The following SPMIP6 variants were observed in gnomAD, a reference collection of about 807,000 sequenced individuals.
SPMIP6 encodes the protein ciliated bronchial epithelial protein 1.
chr9:34,395,610 A>G, the SPMIP6 span, among the ~76,000 whole-genome samples: 1 of 152,178 alleles, frequency 6.6e-6, no homozygotes, highest in African/African-American at 2.4e-5. Flanking sequence ...GATGACTTCA[A>G]GATCTCTATC....
At chr9:34,382,599 T>G in the SPMIP6 span, 1 of 527,290 alleles carries the variant, frequency 1.9e-6, no homozygotes, top group Non-Finnish European at 3.4e-6. Context: ...AAAAAAAAAA[T>G]ACAAACTCTA....
the SPMIP6 span, chr9:34,380,925 G>A: frequency 1.3e-6 from 2 of 1,596,302 alleles, no homozygotes; most frequent in Non-Finnish European, 8.5e-7. Flanking sequence ...CGGCACCAAG[G>A]CCGCAGGCGG....
At chr9:34,397,229 A>G in the SPMIP6 span, among the ~76,000 whole-genome samples, 1 of 151,180 alleles carries the variant, frequency 6.6e-6, no homozygotes, top group Non-Finnish European at 1.5e-5. Flanking sequence ...CACTTCCACT[A>G]CTCTGTTTAT....
chr9:34,395,873 T>C, the SPMIP6 span, among the ~76,000 whole-genome samples: 2 of 152,216 alleles, frequency 1.3e-5, no homozygotes, highest in Non-Finnish European at 2.9e-5. Context: ...AAAATTCCCT[T>C]CTATTGAGTA....
the SPMIP6 span, chr9:34,385,824 C>G: frequency 1.9e-6 from 3 of 1,589,446 alleles, no homozygotes; most frequent in South Asian, 3.4e-5. Flanking sequence ...GGCACAGAGA[C>G]CCCAGCCCTG....
the SPMIP6 span, chr9:34,397,444 C>T: frequency 1.3e-6 from 2 of 1,566,662 alleles, no homozygotes; most frequent in Non-Finnish European, 1.8e-6. Context: ...CATTGCCAGG[C>T]ATCCAGACTG....
chr9:34,382,481 A>T, the SPMIP6 span, among the ~76,000 whole-genome samples: 1 of 151,966 alleles, frequency 6.6e-6, no homozygotes, highest in Admixed American at 6.6e-5. Context: ...GCTGCTCGGG[A>T]GTGTGAGGTA....
chr9:34,392,048 G>T, the SPMIP6 span, among the ~76,000 whole-genome samples: 8 of 151,894 alleles, frequency 5.3e-5, no homozygotes, highest in Non-Finnish European at 1.0e-4. The surrounding 1 kb of genome is among the most constrained non-coding windows in gnomAD (Gnocchi z 4.6). Context: ...TTGCTTTGTT[G>T]CTCAGGCTGG....
At chr9:34,386,802 A>C in the SPMIP6 span, among the ~76,000 whole-genome samples, 4 of 152,130 alleles carry the variant, frequency 2.6e-5, no homozygotes, top group Admixed American at 6.5e-5. Flanking sequence ...TTGTCTGACT[A>C]GATCTGTGAC....
chr9:34,380,962 G>T, the SPMIP6 span: 1 of 1,606,358 alleles, frequency 6.2e-7, no homozygotes. Context: ...CCCCGCTGGC[G>T]TAGTAGTCCA....
chr9:34,381,056 C>T, the SPMIP6 span: 15 of 1,611,794 alleles, frequency 9.3e-6, no homozygotes, highest in African/African-American at 1.9e-4. This position sits in a 1 kb window ranked among gnomAD's most constrained non-coding sequence, Gnocchi z 4.4. Context: ...GTCCACGCAC[C>T]CGCATCGGGG....
At chr9:34,382,482 G>T in the SPMIP6 span, among the ~76,000 whole-genome samples, 1 of 152,138 alleles carries the variant, frequency 6.6e-6, no homozygotes, top group Non-Finnish European at 1.5e-5. Context: ...CTGCTCGGGA[G>T]TGTGAGGTAG....
the SPMIP6 span, chr9:34,382,935 C>T: frequency 9.4e-6 from 10 of 1,064,886 alleles, no homozygotes; most frequent in South Asian, 1.1e-4. Context: ...TCTGAGATCC[C>T]CTACATGTTT....
At chr9:34,388,904 T>G in the SPMIP6 span, among the ~76,000 whole-genome samples, 1 of 151,698 alleles carries the variant, frequency 6.6e-6, no homozygotes, top group Non-Finnish European at 1.5e-5. Flanking sequence ...TTGTGGCTTC[T>G]GTCTTTACAT....
the SPMIP6 span, chr9:34,381,454 G>T: frequency 1.2e-6 from 2 of 1,614,024 alleles, no homozygotes; most frequent in Non-Finnish European, 1.7e-6. This position sits in a 1 kb window ranked among gnomAD's most constrained non-coding sequence, Gnocchi z 4.4. Context: ...CCTGGAAGCG[G>T]CACACATGCT....
At chr9:34,394,669 G>C in the SPMIP6 span, among the ~76,000 whole-genome samples, 6 of 152,104 alleles carry the variant, frequency 3.9e-5, no homozygotes, top group African/African-American at 9.7e-5. Flanking sequence ...ATGTGTGTGT[G>C]GGGTGTGTGT....
chr9:34,384,652 G>A, the SPMIP6 span, among the ~76,000 whole-genome samples: 2 of 152,176 alleles, frequency 1.3e-5, no homozygotes, highest in African/African-American at 2.4e-5. Flanking sequence ...GGAATTCTCA[G>A]TCCATTCAAC....
the SPMIP6 span, among the ~76,000 whole-genome samples, chr9:34,393,169 G>A: frequency 6.6e-6 from 1 of 152,162 alleles, no homozygotes; most frequent in Non-Finnish European, 1.5e-5. Flanking sequence ...TTAGAACAAT[G>A]GGAGAATCTA....
At chr9:34,383,683 A>G in the SPMIP6 span, among the ~76,000 whole-genome samples, 3 of 152,214 alleles carry the variant, frequency 2.0e-5, no homozygotes, top group African/African-American at 7.2e-5. Context: ...TCAGTTTTAC[A>G]ATTATTATCT....
Sources: gnomAD v4.1 joint callset for allele counts (sites outside exome capture counted in the v4.1 genomes callset) on GRCh38, gnomAD v4.1.1 for gene constraint, Gnocchi (gnomAD v3.1) non-coding constraint, MANE v1.5 for transcripts, NCBI Gene and HGNC (gene_info 2026-07-23, HGNC 2026-07-21) for gene names.